CCDC171: variants seen among roughly 807,000 people sequenced by gnomAD.
CCDC171 encodes the protein coiled-coil domain-containing protein 171.
In CCDC171, 177 loss-of-function variants were observed where a neutral mutation model predicts 168.2. The observed-to-expected ratio is 1.05, with a 90% CI of 0.93 to 1.19. CCDC171 has a LOEUF of 1.19. CCDC171 is among the 50% of genes most tolerant of loss of function. The pLI, the probability that CCDC171 is intolerant of heterozygous loss-of-function variation, is 0.00. For synonymous variants in CCDC171, 687 were observed against 540.8 expected, an observed-to-expected ratio of 1.27 and a Z score of -3.75; for missense variants, 1,991 against 1,539.0, an observed-to-expected ratio of 1.29 and a Z score of -4.91.
chr9:15,581,847 A>G (rs571403824), intron 4 of CCDC171, among the ~76,000 whole-genome samples: 3 of 152,104 alleles, frequency 2.0e-5, no homozygotes, highest in East Asian at 3.8e-4. Flanking sequence ...AACCTAGGCA[A>G]TACCATTCAG....
intron 4 of CCDC171, among the ~76,000 whole-genome samples, chr9:15,583,408 C>CAAAAAAAAAAA (rs753789809): frequency 1.0e-5 from 1 of 95,836 alleles, no homozygotes. Flanking sequence ...GACTCCATCT[C>CAAAAAAAAAAA]AAAAAAAAAA....
At chr9:15,678,513 A>C (rs1427377595) in intron 9 of CCDC171, among the ~76,000 whole-genome samples, 1 of 152,186 alleles carries the variant, frequency 6.6e-6, no homozygotes, top group Non-Finnish European at 1.5e-5. Flanking sequence ...ACAGTAACCA[A>C]ATCTATTTTG....
At chr9:15,800,720 T>G (rs181824264) in intron 21 of CCDC171, among the ~76,000 whole-genome samples, 25 of 152,310 alleles carry the variant, frequency 1.6e-4, no homozygotes, top group African/African-American at 5.1e-4. Context: ...CCCCAGTGTT[T>G]TCTTGTAGTA....
chr9:16,102,462 C>T, the CCDC171 span, among the ~76,000 whole-genome samples: 2 of 113,600 alleles, frequency 1.8e-5, no homozygotes, highest in South Asian at 6.2e-4. Context: ...GAAACAGATG[C>T]ATTTCATGTA....
At chr9:15,809,741 G>A (rs2059249685) in intron 21 of CCDC171, among the ~76,000 whole-genome samples, 1 of 152,224 alleles carries the variant, frequency 6.6e-6, no homozygotes, top group Non-Finnish European at 1.5e-5. Flanking sequence ...CGGACCCAAA[G>A]AGTGAGCAAC....
At chr9:16,091,030 T>C in the CCDC171 span, among the ~76,000 whole-genome samples, 1 of 152,212 alleles carries the variant, frequency 6.6e-6, no homozygotes, top group Non-Finnish European at 1.5e-5. Context: ...CCATTTGCTC[T>C]TCCCTTTCTA....
chr9:15,945,055 G>C (rs567468813), intron 25 of CCDC171, among the ~76,000 whole-genome samples: 23 of 148,698 alleles, frequency 1.5e-4, no homozygotes, highest in Admixed American at 2.0e-4. Flanking sequence ...ACAGTCCCCA[G>C]AGTGTGATGT....
chr9:15,756,230 C>A (rs2056105719), intron 18 of CCDC171, among the ~76,000 whole-genome samples: 1 of 152,058 alleles, frequency 6.6e-6, no homozygotes, highest in Non-Finnish European at 1.5e-5. Flanking sequence ...ATTACCTCCA[C>A]ATCTACTGCC....
chr9:15,571,173 A>G (rs1381115964), intron 2 of CCDC171, among the ~76,000 whole-genome samples: 2 of 152,202 alleles, frequency 1.3e-5, no homozygotes, highest in African/African-American at 4.8e-5. Context: ...TTATACCTCT[A>G]AATTCTGTTT....
At chr9:15,760,507 CA>C (rs1168683862) in intron 18 of CCDC171, among the ~76,000 whole-genome samples, 1 of 152,190 alleles carries the variant, frequency 6.6e-6, no homozygotes, top group African/African-American at 2.4e-5. Context: ...TACTTAATCT[CA>C]TTTCAGCCTC....
At chr9:16,097,978 G>A in the CCDC171 span, among the ~76,000 whole-genome samples, 2 of 152,174 alleles carry the variant, frequency 1.3e-5, no homozygotes, top group Non-Finnish European at 2.9e-5. Context: ...ATGTTATATG[G>A]AACTAGCAGT....
intron 24 of CCDC171, 186 bp downstream of exon 24, chr9:15,874,849 A>G: frequency 4.1e-6 from 2 of 483,920 alleles, no homozygotes; most frequent in South Asian, 8.0e-5. Context: ...TTTAAAGCCT[A>G]GAACTAGCCT....
At chr9:15,756,115 G>A (rs2056097206) in intron 18 of CCDC171, among the ~76,000 whole-genome samples, 2 of 152,010 alleles carry the variant, frequency 1.3e-5, no homozygotes, top group African/African-American at 4.8e-5. Context: ...TTCCTGGCTG[G>A]CTAGCTAGAA....
intron 8 of CCDC171, among the ~76,000 whole-genome samples, chr9:15,665,644 G>A (rs979479933): frequency 1.3e-5 from 2 of 152,084 alleles, no homozygotes; most frequent in South Asian, 2.1e-4. Context: ...AGCTGGGTGT[G>A]GTGGTGTGCA....
intron 25 of CCDC171, among the ~76,000 whole-genome samples, chr9:15,930,226 C>A (rs1230677137): frequency 6.6e-6 from 1 of 151,594 alleles, no homozygotes; most frequent in African/African-American, 2.4e-5. Flanking sequence ...AACCATGATT[C>A]CCTCCGAATT....
chr9:15,625,284 G>A (rs1272754601), intron 7 of CCDC171, among the ~76,000 whole-genome samples: 1 of 152,176 alleles, frequency 6.6e-6, no homozygotes, highest in East Asian at 1.9e-4. Flanking sequence ...CACTCTGATG[G>A]TAGTTTCTTT....
intron 10 of CCDC171, among the ~76,000 whole-genome samples, chr9:15,683,166 A>T (rs1363225432): frequency 6.6e-6 from 1 of 152,016 alleles, no homozygotes; most frequent in Non-Finnish European, 1.5e-5. Flanking sequence ...TCTAGTTCTC[A>T]GGAGGTTTTG....
intron 3 of CCDC171, among the ~76,000 whole-genome samples, chr9:15,983,102 T>C (rs1385382704): frequency 6.6e-6 from 1 of 152,198 alleles, no homozygotes; most frequent in African/African-American, 2.4e-5. Context: ...CTAGCTTTCA[T>C]AAAAATACAT....
At chr9:15,722,010 A>G in intron 12 of CCDC171, 135 bp downstream of exon 12, 2 of 372,944 alleles carry the variant, frequency 5.4e-6, no homozygotes. Context: ...ATAATAAATT[A>G]TCTTTCGCTG....
Sources: gnomAD v4.1 joint callset for allele counts (sites outside exome capture counted in the v4.1 genomes callset) on GRCh38, gnomAD v4.1.1 for gene constraint, MANE v1.5 for transcripts, NCBI Gene and HGNC (gene_info 2026-07-23, HGNC 2026-07-21) for gene names.